ANK3: variants seen among roughly 807,000 people sequenced by gnomAD.
The protein encoded by ANK3 is ankyrin 3.
ANK3 carries 57 observed loss-of-function variants against 370.9 expected under a neutral mutation model. The observed-to-expected ratio is 0.15, with a 90% CI of 0.12 to 0.19. The LOEUF (loss-of-function observed/expected upper bound fraction) is 0.19. ANK3 is among the 10% of genes least tolerant of loss of function. ANK3 has a pLI of 1.00. For synonymous variants in ANK3, 1,929 were observed against 1,946.3 expected (o/e 0.99, Z 0.23); for missense variants, 4,439 against 5,302.1 (o/e 0.84, Z 5.06).
At chr10:60,167,437 C>A (rs766750995) in intron 21 of ANK3, among the ~76,000 whole-genome samples, 1 of 152,168 alleles carries the variant, frequency 6.6e-6, no homozygotes, top group African/African-American at 2.4e-5. Flanking sequence ...AAAGGTGATG[C>A]ATTGGCAGAT....
chr10:60,043,635 A>C, intron 42 of ANK3: 1 of 985,430 alleles, frequency 1.0e-6, no homozygotes, highest in Non-Finnish European at 1.2e-6. Flanking sequence ...AAATGTATGG[A>C]TCCGATGTGC....
At chr10:60,158,253 TA>T (rs2095404763) in intron 23 of ANK3, among the ~76,000 whole-genome samples, 1 of 152,164 alleles carries the variant, frequency 6.6e-6, no homozygotes, top group Admixed American at 6.5e-5. Flanking sequence ...AAGAAAAGGA[TA>T]TTAATGAGCA....
At chr10:60,459,934 G>C (rs2064841523) in intron 2 of ANK3, among the ~76,000 whole-genome samples, 2 of 152,094 alleles carry the variant, frequency 1.3e-5, no homozygotes, top group South Asian at 4.1e-4. Context: ...CACAGCTCTG[G>C]TGGCAAGAGC....
intron 5 of ANK3, among the ~76,000 whole-genome samples, chr10:60,268,888 A>C (rs2097919170): frequency 6.6e-6 from 1 of 152,148 alleles, no homozygotes; most frequent in African/African-American, 2.4e-5. Context: ...TTGACTATAA[A>C]TGAGGATGAG....
chr10:60,038,545 A>C (rs529645888), intron 43 of ANK3, among the ~76,000 whole-genome samples: 213 of 152,326 alleles, frequency 1.4e-3, no homozygotes, highest in South Asian at 5.8e-3. Flanking sequence ...CAACAGAATA[A>C]AGAGATAACC....
chr10:60,427,802 G>A (rs923395595), intron 2 of ANK3, among the ~76,000 whole-genome samples: 2 of 152,130 alleles, frequency 1.3e-5, no homozygotes, highest in African/African-American at 4.8e-5. Context: ...TTTTCCCAAG[G>A]TCACCAGGTT....
At chr10:60,465,614 G>C (rs1595083323) in intron 2 of ANK3, among the ~76,000 whole-genome samples, 1 of 152,120 alleles carries the variant, frequency 6.6e-6, no homozygotes, top group South Asian at 2.1e-4. Context: ...ATATTGAAAG[G>C]CTAGGTCACT....
intron 2 of ANK3, among the ~76,000 whole-genome samples, chr10:60,445,583 A>C (rs2064423008): frequency 6.6e-6 from 1 of 152,104 alleles, no homozygotes. Context: ...TTCAGATGTA[A>C]ACACCATTTA....
chr10:60,081,630 T>C, intron 35 of ANK3: 1 of 350,560 alleles, frequency 2.9e-6, no homozygotes, highest in Non-Finnish European at 5.6e-6. Context: ...ATTTGTACAA[T>C]AAAATTGCAC....
Position 60,421,363 on chromosome 10 carries a change from GA to G in ANK3, c.97-141725del, listed in dbSNP as rs568215274. Among the ~76,000 whole-genome samples, 654 of 151,896 alleles carry G rather than the reference GA, an allele frequency of 4.3e-3. 8 individuals carry two copies. Among genetic ancestry groups the G allele is most frequent in the African/African-American group, 0.015 (606 of 41,434 alleles). ...TCTTTTATTACAATAAAAAAGTGGA[GA>G]AAAAAGGGAAAGTCTTAATAAACGT... On this transcript the variant is annotated intron_variant, in intron 2 of 43. Coordinates refer to the ANK3 transcript ENST00000373827.
At chr10:60,346,605 G>C (rs2055556544) in intron 1 of ANK3, among the ~76,000 whole-genome samples, 1 of 141,960 alleles carries the variant, frequency 7.0e-6, no homozygotes, top group African/African-American at 2.5e-5. Flanking sequence ...CACATTGTTA[G>C]AGAATTATCT....
intron 1 of ANK3, among the ~76,000 whole-genome samples, chr10:60,695,452 T>C (rs966432640): frequency 5.3e-5 from 8 of 152,256 alleles, no homozygotes; most frequent in African/African-American, 1.7e-4. Flanking sequence ...ATATACATTT[T>C]TTTCAGCACC....
chr10:60,051,098 C>G (rs891787944), intron 42 of ANK3, among the ~76,000 whole-genome samples: 2 of 152,080 alleles, frequency 1.3e-5, no homozygotes, highest in African/African-American at 4.8e-5. Flanking sequence ...TTTATCGTGC[C>G]TCATACCTTG....
At chr10:60,537,414 G>T (rs1432895810) in intron 2 of ANK3, among the ~76,000 whole-genome samples, 1 of 151,838 alleles carries the variant, frequency 6.6e-6, no homozygotes, top group Non-Finnish European at 1.5e-5. Flanking sequence ...TTTTAAAGTG[G>T]ACAGTAGAGA....
At chr10:60,674,043 T>C (rs74155665) in intron 1 of ANK3, among the ~76,000 whole-genome samples, 1,796 of 152,286 alleles carry the variant, frequency 0.012, 34 homozygotes, top group African/African-American at 0.041. Context: ...AAATGTTTAG[T>C]AGCCTTCCTT....
intron 11 of ANK3, among the ~76,000 whole-genome samples, chr10:60,205,058 G>A (rs1219424197): frequency 6.6e-6 from 1 of 152,160 alleles, no homozygotes; most frequent in Non-Finnish European, 1.5e-5. Flanking sequence ...ATGTAGTGAG[G>A]TGGAGGTTGG....
At chr10:60,360,211 C>G (rs918443169) in intron 1 of ANK3, among the ~76,000 whole-genome samples, 1 of 152,168 alleles carries the variant, frequency 6.6e-6, no homozygotes, top group African/African-American at 2.4e-5. Flanking sequence ...TTTAGGCTTA[C>G]TTTATTTGCC....
intron 2 of ANK3, among the ~76,000 whole-genome samples, chr10:60,476,609 C>T (rs1468673762): frequency 6.6e-6 from 1 of 152,086 alleles, no homozygotes; most frequent in Admixed American, 6.5e-5. Context: ...TTTAAGGGGG[C>T]AACTTCCAAA....
intron 2 of ANK3, among the ~76,000 whole-genome samples, chr10:60,533,950 T>A (rs1220101133): frequency 6.6e-6 from 1 of 152,154 alleles, no homozygotes; most frequent in Non-Finnish European, 1.5e-5. Context: ...TATTGTTATA[T>A]TTAAGCCTCA....
Sources: gnomAD v4.1 joint callset for allele counts (sites outside exome capture counted in the v4.1 genomes callset) on GRCh38, gnomAD v4.1.1 for gene constraint, MANE v1.5 for transcripts, NCBI Gene and HGNC (gene_info 2026-07-23, HGNC 2026-07-21) for gene names.